Variants in NFE2L2 observed in about 807,000 individuals in gnomAD.
NFE2L2 encodes the protein nuclear factor erythroid 2-related factor 2.
NFE2L2 carries 20 observed loss-of-function variants against 49.6 expected under a neutral mutation model. The observed-to-expected ratio is 0.40, with a 90% CI of 0.28 to 0.59. NFE2L2 has a LOEUF of 0.59. Ranked by LOEUF, NFE2L2 falls within the 20% of genes least tolerant of loss-of-function variation. The probability of loss-of-function intolerance (pLI) is 0.40; values close to 1 mark genes in which losing one functional copy is unlikely to be tolerated. For missense variants in NFE2L2, 578 were observed against 714.2 expected (o/e 0.81, Z 2.17); for synonymous variants, 244 against 256.5 (o/e 0.95, Z 0.47).
intron 1 of NFE2L2, among the ~76,000 whole-genome samples, chr2:177,255,449 T>C (rs1053704320): frequency 6.6e-6 from 1 of 152,188 alleles, no homozygotes; most frequent in African/African-American, 2.4e-5. Context: ...TTCTCATTCT[T>C]GGTTCTGGTC....
At chr2:177,252,734 A>G (rs552757411) in intron 1 of NFE2L2, among the ~76,000 whole-genome samples, 1 of 152,332 alleles carries the variant, frequency 6.6e-6, no homozygotes, top group South Asian at 2.1e-4. Flanking sequence ...CGGAGGCTCT[A>G]AAAAGTTATT....
At chr2:177,263,448 T>A (rs763552029) in intron 1 of NFE2L2, 1 of 985,366 alleles carries the variant, frequency 1.0e-6, no homozygotes, top group African/African-American at 1.7e-5. Context: ...CATTTTGGAA[T>A]TGCAATTCTG....
Position 177,230,808 on chromosome 2 carries a change from T to G in NFE2L2, c.1795A>C (p.Lys599Gln). ...GNVFLVPKSK[K>Q]PDVKKN is the part of the protein sequence containing the mutation. ...ATCTAGTTTTTCTTAACATCTGGCT[T>G]CTTACTTTTGGGAACAAGGAAAACA... The change falls in exon 5 of 5, where the codon AAG (lysine) becomes CAG (glutamine). Residue 599 changes from lysine to glutamine, a missense_variant. This residue lies in a region of NFE2L2 where 117 missense variants were observed against 175.8 expected (regional missense o/e 0.67). Coordinates refer to ENST00000397062, the MANE Select transcript of NFE2L2 (RefSeq NM_006164.5). 6.3e-7 allele frequency: 1 copy of G among 1,587,842 alleles called. No individual in the cohort carries two copies. Among genetic ancestry groups the G allele is most frequent in the Non-Finnish European group, 8.5e-7 (1 of 1,172,150 alleles).
chr2:177,233,851 A>C (rs1689647963), intron 2 of NFE2L2, 154 bp downstream of exon 2: 1 of 927,606 alleles, frequency 1.1e-6, no homozygotes, highest in African/African-American at 1.7e-5. Flanking sequence ...CAGGTTAGGT[A>C]CTGAACTCAT....
chr2:177,236,461 T>C (rs1366103935), intron 1 of NFE2L2, among the ~76,000 whole-genome samples: 3 of 152,224 alleles, frequency 2.0e-5, no homozygotes, highest in African/African-American at 7.2e-5. Context: ...TAAGCCAGTA[T>C]CTATTAAGGG....
chr2:177,263,735 T>G, intron 1 of NFE2L2: 1 of 985,352 alleles, frequency 1.0e-6, no homozygotes, highest in Non-Finnish European at 1.2e-6. Context: ...GCCCGCACTT[T>G]CCCGCGGCGT....
At chr2:177,237,519 T>C (rs1344411484) in intron 1 of NFE2L2, among the ~76,000 whole-genome samples, 9 of 151,654 alleles carry the variant, frequency 5.9e-5, no homozygotes, top group Non-Finnish European at 1.3e-4. Flanking sequence ...AGAAACCTAC[T>C]TTATTTTATT....
At position 177,251,430 on chromosome 2, in the gene NFE2L2, A is replaced by G. The variant is rs113118970; in HGVS notation, c.45+13102T>C. Among the ~76,000 whole-genome samples, 1,434 of 152,302 alleles carry G rather than the reference A, an allele frequency of 9.4e-3. 30 individuals carry two copies. Among genetic ancestry groups the G allele is most frequent in the African/African-American group, 0.033 (1,363 of 41,558 alleles). On this transcript the variant is annotated intron_variant, in intron 1 of 4. Coordinates refer to ENST00000397062, the MANE Select transcript of NFE2L2 (RefSeq NM_006164.5). ...AGAGTAAGAAATGCTGCCACAAGTGAAGGGCTGAGTCTGGAAAGGAATCCT... is the reference window on the plus strand; with the variant it reads ...AGAGTAAGAAATGCTGCCACAAGTGGAGGGCTGAGTCTGGAAAGGAATCCT...
chr2:177,253,490 C>T (rs9282797), intron 1 of NFE2L2, among the ~76,000 whole-genome samples: 3 of 152,294 alleles, frequency 2.0e-5, no homozygotes, highest in Admixed American at 6.5e-5. Context: ...GCTGCATTAT[C>T]TTGGAAGATT....
chr2:177,238,053 T>C (rs1221052693), intron 1 of NFE2L2, among the ~76,000 whole-genome samples: 1 of 152,164 alleles, frequency 6.6e-6, no homozygotes, highest in Non-Finnish European at 1.5e-5. Context: ...TTCCCACCCA[T>C]CTCAAGAAGT....
intron 1 of NFE2L2, among the ~76,000 whole-genome samples, chr2:177,251,799 T>A (rs1051210288): frequency 2.7e-5 from 4 of 150,760 alleles, no homozygotes; most frequent in Non-Finnish European, 5.9e-5. Flanking sequence ...AGGTCAGGAG[T>A]TCGAGACCAT....
chr2:177,243,101 A>G (rs1046055076), intron 1 of NFE2L2, among the ~76,000 whole-genome samples: 2 of 152,170 alleles, frequency 1.3e-5, no homozygotes, highest in African/African-American at 4.8e-5. Flanking sequence ...TGTCCTCCAC[A>G]GAGAGGAACT....
At chr2:177,236,530 C>T (rs1689756219) in intron 1 of NFE2L2, among the ~76,000 whole-genome samples, 1 of 152,140 alleles carries the variant, frequency 6.6e-6, no homozygotes, top group Non-Finnish European at 1.5e-5. Context: ...TTCCTCAAAA[C>T]AGCCTTATAC....
chr2:177,239,442 C>T (rs535715454), intron 1 of NFE2L2, among the ~76,000 whole-genome samples: 7 of 152,206 alleles, frequency 4.6e-5, no homozygotes, highest in Admixed American at 1.3e-4. Flanking sequence ...TTTGGGAGGC[C>T]GAGGCGGGCA....
chr2:177,247,162 T>G (rs1237610624), intron 1 of NFE2L2, among the ~76,000 whole-genome samples: 1 of 152,112 alleles, frequency 6.6e-6, no homozygotes, highest in African/African-American at 2.4e-5. Flanking sequence ...GACTGTACCT[T>G]TTACACTCGC....
At chr2:177,236,633 C>T (rs1028296508) in intron 1 of NFE2L2, among the ~76,000 whole-genome samples, 18 of 152,192 alleles carry the variant, frequency 1.2e-4, no homozygotes, top group African/African-American at 4.3e-4. Flanking sequence ...CATACCCAGG[C>T]AGCTTCAGTC....
chr2:177,231,407 G>C lies in NFE2L2; in HGVS notation c.1196C>G (p.Ser399Cys), dbSNP rs765985159. ...KQNGPKTPVH[S>C]SGDMVQPLSP... ...CAAGGGTTGTACCATATCCCCAGAA[G>C]AATGTACTGGTGTTTTAGGACCATT... The change falls in exon 5 of 5, where the codon TCT becomes TGT. Residue 399 changes from serine (S) to cysteine (C), a missense_variant. Physicochemically the swap from Ser to Cys is moderately radical, Grantham distance 112. Around this residue, in one of 3 missense-constraint regions of NFE2L2, gnomAD observed 368 missense variants for 384.6 expected, o/e 0.96. Coordinates refer to ENST00000397062, the MANE Select transcript of NFE2L2 (RefSeq NM_006164.5). 6.2e-7 allele frequency: 1 copy of C among 1,614,272 alleles called. No homozygotes were observed. Among genetic ancestry groups the C allele is most frequent in the Non-Finnish European group, 8.5e-7 (1 of 1,180,052 alleles).
chr2:177,260,587 T>C (rs979922813), intron 1 of NFE2L2, among the ~76,000 whole-genome samples: 10 of 152,228 alleles, frequency 6.6e-5, no homozygotes, highest in South Asian at 2.1e-4. Context: ...ATCAGCTTTC[T>C]GCTAGCTGTT....
At chr2:177,263,748 C>T (rs1299977657) in intron 1 of NFE2L2, 2 of 985,464 alleles carry the variant, frequency 2.0e-6, no homozygotes, top group East Asian at 1.1e-4. Context: ...CGCGGCGTTA[C>T]GAGGGGCCAA....
Sources: gnomAD v4.1 joint callset for allele counts (sites outside exome capture counted in the v4.1 genomes callset) on GRCh38, gnomAD v4.1.1 for gene constraint, gnomAD v4.1.1 regional missense constraint, MANE v1.5 for transcripts, NCBI Gene and HGNC (gene_info 2026-07-23, HGNC 2026-07-21) for gene names.